SLC36A1: variants seen among roughly 807,000 people sequenced by gnomAD.
The protein encoded by SLC36A1 is proton-coupled amino acid transporter 1.
Under a neutral mutation model 47.5 loss-of-function variants are expected in SLC36A1, and 30 were observed. The ratio of observed to expected loss-of-function variants is 0.63; its 90% confidence interval spans 0.47 to 0.86. The LOEUF (loss-of-function observed/expected upper bound fraction) is 0.86, where lower values mean the gene tolerates loss of function less well. Among genes scored for constraint, SLC36A1 ranks in the 40% least tolerant of loss-of-function variants. The pLI is 0.00. For missense variants in SLC36A1, 517 were observed against 606.0 expected, an observed-to-expected ratio of 0.85 and a Z score of 1.54; for synonymous variants, 255 against 249.7, an observed-to-expected ratio of 1.02 and a Z score of -0.20.
chr5:151,485,206 C>A (rs1264301590), intron 10 of SLC36A1, among the ~76,000 whole-genome samples: 1 of 152,138 alleles, frequency 6.6e-6, no homozygotes, highest in Admixed American at 6.5e-5. Flanking sequence ...AAATTAAAAG[C>A]CTAAACTTTT....
chr5:151,469,688 A>G (rs1757054111), intron 7 of SLC36A1, among the ~76,000 whole-genome samples: 1 of 152,136 alleles, frequency 6.6e-6, no homozygotes, highest in African/African-American at 2.4e-5. Flanking sequence ...CTAATTTCAT[A>G]GAGACTCCCT....
chr5:151,490,484 A>G lies in SLC36A1; in HGVS notation c.*2230A>G, dbSNP rs993460900. On this transcript the variant is annotated 3_prime_UTR_variant, in exon 11 of 11. Coordinates refer to ENST00000243389, the MANE Select transcript of SLC36A1 (RefSeq NM_078483.4). ...AGAGCTGCTAGAGACCATCCTGCCC[A>G]TCCGAGTTCTGAGATTGGGACTGTG... is the stretch of plus-strand genomic sequence containing the variant. The G allele has an allele frequency of 6.6e-6, 1 of 152,308 alleles. No homozygotes were observed. Among genetic ancestry groups the G allele is most frequent in the Non-Finnish European group, 1.5e-5 (1 of 68,126 alleles). 9.4% of individuals were successfully genotyped at this position (152,308 alleles called of 1,614,324 possible). A position where few individuals can be genotyped will look rare whatever the true frequency, so the allele number is the denominator to read the frequency against.
the SLC36A1 span, among the ~76,000 whole-genome samples, chr5:151,376,920 G>A: frequency 1.8e-4 from 27 of 152,142 alleles, no homozygotes; most frequent in Non-Finnish European, 2.5e-4. Context: ...GGCATGAGCC[G>A]CCGCACCCGG....
At chr5:151,365,789 A>G in the SLC36A1 span, among the ~76,000 whole-genome samples, 2 of 152,204 alleles carry the variant, frequency 1.3e-5, no homozygotes, top group African/African-American at 4.8e-5. Context: ...TGGAGAAGAC[A>G]TCATCTACCT....
chr5:151,546,221 C>T, the SLC36A1 span: 3 of 1,614,122 alleles, frequency 1.9e-6, no homozygotes, highest in Non-Finnish European at 2.5e-6. Flanking sequence ...TGTGGGGAGC[C>T]TTGATCTTCT....
upstream of SLC36A1, among the ~76,000 whole-genome samples, chr5:151,446,903 T>C (rs1752956100): frequency 6.6e-6 from 1 of 152,228 alleles, no homozygotes; most frequent in African/African-American, 2.4e-5. Flanking sequence ...ATTTCTCCCT[T>C]CATGGCCATT....
At chr5:151,463,898 T>C (rs1486097982) in intron 3 of SLC36A1, among the ~76,000 whole-genome samples, 1 of 152,224 alleles carries the variant, frequency 6.6e-6, no homozygotes, top group Admixed American at 6.5e-5. Flanking sequence ...GCTTACTTCA[T>C]GGTGGAGAGG....
chr5:151,380,236 C>A, the SLC36A1 span: 3 of 221,062 alleles, frequency 1.4e-5, no homozygotes, highest in Non-Finnish European at 2.8e-5. Context: ...TAAAAAGAAC[C>A]CTAGGTGGGA....
chr5:151,458,316 A>ATATATATATATATACATACACTTG (rs1754940228), intron 1 of SLC36A1, among the ~76,000 whole-genome samples: 1 of 65,030 alleles, frequency 1.5e-5, no homozygotes, highest in African/African-American at 6.0e-5. Flanking sequence ...ATATACGTAT[A>ATATATATATATATACATACACTTG]TATATATATA....
the SLC36A1 span, among the ~76,000 whole-genome samples, chr5:151,530,123 C>G: frequency 1.3e-5 from 2 of 151,926 alleles, no homozygotes; most frequent in Non-Finnish European, 2.9e-5. Flanking sequence ...GCAAAGCCTG[C>G]TAAAACCATT....
chr5:151,555,953 G>A, the SLC36A1 span, among the ~76,000 whole-genome samples: 2 of 152,200 alleles, frequency 1.3e-5, no homozygotes, highest in Non-Finnish European at 2.9e-5. Context: ...AAAGAGCACA[G>A]ATCTAGAAGA....
At chr5:151,410,575 A>G in the SLC36A1 span, among the ~76,000 whole-genome samples, 7 of 144,860 alleles carry the variant, frequency 4.8e-5, 1 homozygote, top group Non-Finnish European at 1.1e-4. Context: ...AGCAAATAGC[A>G]TATCAATATC....
At chr5:151,506,284 T>A in the SLC36A1 span, among the ~76,000 whole-genome samples, 1 of 152,260 alleles carries the variant, frequency 6.6e-6, no homozygotes, top group South Asian at 2.1e-4. Context: ...AGCTCAAGGC[T>A]AGAGGTTTGA....
the SLC36A1 span, chr5:151,550,592 T>C: frequency 5.0e-6 from 8 of 1,614,072 alleles, no homozygotes; most frequent in South Asian, 3.3e-5. Flanking sequence ...TTACTCACCA[T>C]GACTGTCAGT....
At chr5:151,499,454 C>G in the SLC36A1 span, among the ~76,000 whole-genome samples, 2 of 152,226 alleles carry the variant, frequency 1.3e-5, no homozygotes, top group Non-Finnish European at 2.9e-5. Context: ...GCCCTGGGCG[C>G]GTCACTCCAT....
intron 9 of SLC36A1, among the ~76,000 whole-genome samples, chr5:151,478,575 C>T (rs1252657486): frequency 6.6e-6 from 1 of 152,188 alleles, no homozygotes; most frequent in Non-Finnish European, 1.5e-5. Context: ...AGGCTTGTGA[C>T]ATTTTAATTG....
At chr5:151,454,523 A>G (rs945502607) in intron 1 of SLC36A1, among the ~76,000 whole-genome samples, 17 of 151,894 alleles carry the variant, frequency 1.1e-4, no homozygotes, top group Admixed American at 6.6e-5. Context: ...TTTTGCTTGG[A>G]TTTTTTCAGG....
intron 10 of SLC36A1, 191 bp downstream of exon 10, chr5:151,479,680 G>A (rs143376861): frequency 1.2e-4 from 73 of 594,572 alleles, no homozygotes; most frequent in African/African-American, 1.0e-3. Flanking sequence ...CATATGTACT[G>A]TAAAGAACAT....
the SLC36A1 span, among the ~76,000 whole-genome samples, chr5:151,524,624 T>A: frequency 2.0e-5 from 3 of 152,194 alleles, no homozygotes; most frequent in Admixed American, 6.5e-5. Context: ...TCAGTGCTTC[T>A]CTCACTCTCA....
Sources: allele counts gnomAD v4.1 joint callset (sites outside exome capture counted in the v4.1 genomes callset), GRCh38; gene constraint gnomAD v4.1.1; transcripts MANE v1.5; gene names NCBI Gene and HGNC (gene_info 2026-07-23, HGNC 2026-07-21).